PKHD1L1: variants seen among roughly 807,000 people sequenced by gnomAD.
PKHD1L1 encodes the protein fibrocystin-L.
PKHD1L1 carries 434 observed loss-of-function variants against 462.9 expected under a neutral mutation model. That is an observed-to-expected ratio of 0.94 (90% CI 0.87 to 1.02). The LOEUF (loss-of-function observed/expected upper bound fraction) is 1.02. Among genes scored for constraint, PKHD1L1 ranks in the 50% least tolerant of loss-of-function variants. PKHD1L1 has a pLI of 0.00. For synonymous variants in PKHD1L1, 1,781 were observed against 1,750.0 expected (o/e 1.02, Z -0.44); for missense variants, 5,202 against 5,096.1 (o/e 1.02, Z -0.63).
chr8:109,410,726 C>CTTTTTTTTTTGTTTTTTTTTTT, intron 19 of PKHD1L1, among the ~76,000 whole-genome samples: 1 of 68,390 alleles, frequency 1.5e-5, no homozygotes, highest in Admixed American at 1.9e-4. Flanking sequence ...TTTTCTTTTT[C>CTTTTTTTTTTGTTTTTTTTTTT]TTTTTTTTTT....
chr8:109,459,571 AT>A (rs1158860682), intron 46 of PKHD1L1, 23 bp from the exon 47 acceptor site: 5 of 1,331,890 alleles, frequency 3.8e-6, no homozygotes, highest in Non-Finnish European at 5.0e-6. Flanking sequence ...TAATTTTAAA[AT>A]TTTTTTGTCA....
At chr8:109,369,624 A>AATATAT (rs35538975) in intron 2 of PKHD1L1, among the ~76,000 whole-genome samples, 9 of 149,138 alleles carry the variant, frequency 6.0e-5, no homozygotes, top group South Asian at 4.2e-4. Flanking sequence ...CTGATAGGAA[A>AATATAT]ATATATATAT....
intron 38 of PKHD1L1, among the ~76,000 whole-genome samples, chr8:109,446,692 C>T (rs1269922718): frequency 1.3e-5 from 2 of 152,062 alleles, no homozygotes; most frequent in East Asian, 1.9e-4. Context: ...CAAATAATGG[C>T]ATATGTTTCT....
chr8:109,476,422 TA>T (rs1817989574), intron 51 of PKHD1L1, 85 bp from the exon 52 acceptor site: 1 of 894,276 alleles, frequency 1.1e-6, no homozygotes, highest in East Asian at 3.0e-5. Context: ...TAACATAATA[TA>T]GGGGCTAATT....
chr8:109,385,483 G>A, intron 5 of PKHD1L1, 54 bp from the exon 6 acceptor site: 1 of 1,174,478 alleles, frequency 8.5e-7, no homozygotes, highest in Non-Finnish European at 1.2e-6. Flanking sequence ...CGTATTAAGT[G>A]TATGGATAGA....
intron 36 of PKHD1L1, 43 bp from the exon 37 acceptor site, chr8:109,443,633 G>A: frequency 2.1e-6 from 3 of 1,401,780 alleles, no homozygotes; most frequent in Non-Finnish European, 2.0e-6. Flanking sequence ...TTATCATTTT[G>A]GAATGTTATT....
At position 109,489,988 on chromosome 8, in the gene PKHD1L1, G is replaced by C; in HGVS notation, c.9917G>C (p.Ser3306Thr). The change falls in exon 60 of 78, where the codon AGT becomes ACT. Residue 3306 changes from serine to threonine, a missense_variant. Coordinates refer to ENST00000378402, the MANE Select transcript of PKHD1L1 (RefSeq NM_177531.6). Reference sequence around the variant, plus strand: ...ATAAGTAATGTGGAATTTTATCACAGTGGTCAAGAAGGCTTCAGGGATAGC... The same window carrying C: ...ATAAGTAATGTGGAATTTTATCACACTGGTCAAGAAGGCTTCAGGGATAGC... Reference protein sequence around the residue: ...ARISNVEFYHSGQEGFRDSTD... With the variant: ...ARISNVEFYHTGQEGFRDSTD... 1 of 1,608,612 alleles carries C rather than the reference G, an allele frequency of 6.2e-7. No homozygotes were observed. Among genetic ancestry groups the C allele is most frequent in the Non-Finnish European group, 8.5e-7 (1 of 1,175,914 alleles).
At chr8:109,416,833 C>T (rs1814199675) in intron 21 of PKHD1L1, among the ~76,000 whole-genome samples, 3 of 152,146 alleles carry the variant, frequency 2.0e-5, no homozygotes. Flanking sequence ...CTTTATGAAG[C>T]AGAAATCCTT....
At chr8:109,406,263 T>G in intron 16 of PKHD1L1, 72 bp from the exon 17 acceptor site, 2 of 1,405,324 alleles carry the variant, frequency 1.4e-6, no homozygotes, top group East Asian at 5.0e-5. Context: ...GAGACATCAG[T>G]GTTGGCTGCA....
At chr8:109,423,206 G>A (rs1268490191) in intron 23 of PKHD1L1, among the ~76,000 whole-genome samples, 1 of 151,542 alleles carries the variant, frequency 6.6e-6, no homozygotes, top group Non-Finnish European at 1.5e-5. Context: ...TCAAGTCTAA[G>A]AACTTACTTA....
At chr8:109,398,050 A>C (rs1187803051) in intron 11 of PKHD1L1, among the ~76,000 whole-genome samples, 1 of 151,954 alleles carries the variant, frequency 6.6e-6, no homozygotes, top group Non-Finnish European at 1.5e-5. Flanking sequence ...CTAAGCCAGC[A>C]CTTTTTTCTA....
rs1819930538 is a variant in PKHD1L1, at chr8:109,510,777, G to A, written c.11396G>A (p.Gly3799Asp). The A allele has an allele frequency of 1.2e-6, 2 of 1,611,698 alleles. No individual in the cohort carries two copies. Among genetic ancestry groups the A allele is most frequent in the African/African-American group, 2.7e-5 (2 of 74,754 alleles). ...GCACTTTCATTTTGCATGGATTTAG[G>A]CCCACAGGATCATGGCTGGTGTGCT... is the stretch of plus-strand genomic sequence containing the variant. ...MGNGYVDLIN[G>D]PQDHGWCAGY... The change falls in exon 71 of 78, where the codon GGC (glycine) becomes GAC (aspartate). Residue 3799 changes from glycine (G) to aspartate (D), a missense_variant and splice_region_variant. This residue lies in a region of PKHD1L1 where 698 missense variants were observed against 736.3 expected (regional missense o/e 0.95). Transcript: ENST00000378402.
At chr8:109,488,314 T>C (rs73704039) in intron 59 of PKHD1L1, among the ~76,000 whole-genome samples, 2,255 of 152,110 alleles carry the variant, frequency 0.015, 28 homozygotes, top group Middle Eastern at 0.051. Flanking sequence ...TCAAAACATA[T>C]TTGACCTGTT....
chr8:109,365,241 A>G (rs534818811), intron 2 of PKHD1L1, among the ~76,000 whole-genome samples: 9 of 152,308 alleles, frequency 5.9e-5, no homozygotes, highest in African/African-American at 2.2e-4. Context: ...TTCAGCCATA[A>G]GACCTTTGCA....
chr8:109,421,003 G>T (rs1814435944), intron 23 of PKHD1L1, among the ~76,000 whole-genome samples: 1 of 151,968 alleles, frequency 6.6e-6, no homozygotes, highest in Non-Finnish European at 1.5e-5. Flanking sequence ...ATTATTGAGA[G>T]AAAAATTGAG....
intron 56 of PKHD1L1, 118 bp from the exon 57 acceptor site, chr8:109,482,868 CT>C (rs1477054855): frequency 9.5e-6 from 6 of 631,376 alleles, no homozygotes; most frequent in Admixed American, 4.2e-5. Flanking sequence ...CAATTCATTC[CT>C]TTTGTTCTAA....
chr8:109,449,413 G>A lies in PKHD1L1; in HGVS notation c.6101G>A (p.Cys2034Tyr), dbSNP rs199857842. ...CCACAAAATTCAATTATATTAGTTT[G>A]TGGCTCAGAATGTGCAATTGACAGG... ...FNPQNSIILV[C>Y]GSECAIDRLR... Residue 2034 changes from cysteine (C) to tyrosine (Y), a missense_variant, in exon 40 of 78, where the codon TGT becomes TAT. Physicochemically the swap from Cys to Tyr is radical, Grantham distance 194. This residue lies in a region of PKHD1L1 where 4,497 missense variants were observed against 4,336.8 expected (regional missense o/e 1.04). Transcript: ENST00000378402. The A allele has an allele frequency of 1.6e-4, 250 of 1,593,884 alleles. No homozygotes were observed. The African/African-American group carries it at 3.0e-3, about 19-fold the overall frequency.
At chr8:109,362,756 T>A in intron 1 of PKHD1L1, 103 bp downstream of exon 1, 1 of 1,311,158 alleles carries the variant, frequency 7.6e-7, no homozygotes, top group South Asian at 1.3e-5. Context: ...GGCACCTGGC[T>A]GAGGCTGTGG....
intron 32 of PKHD1L1, among the ~76,000 whole-genome samples, chr8:109,439,422 G>T (rs1402148109): frequency 1.4e-4 from 22 of 152,076 alleles, no homozygotes; most frequent in Non-Finnish European, 1.0e-4. Flanking sequence ...GATTAGAGTG[G>T]CATCTCCCCT....
Sources: allele counts gnomAD v4.1 joint callset (sites outside exome capture counted in the v4.1 genomes callset), GRCh38; gene constraint gnomAD v4.1.1; regional missense constraint gnomAD v4.1.1; transcripts MANE v1.5; gene names NCBI Gene and HGNC (gene_info 2026-07-23, HGNC 2026-07-21).